The following TNPO3 variants were observed in gnomAD, a reference collection of about 807,000 sequenced individuals.
The protein encoded by TNPO3 is transportin 3.
TNPO3 carries 65 observed loss-of-function variants against 122.8 expected under a neutral mutation model. That is an observed-to-expected ratio of 0.53 (90% CI 0.43 to 0.65). The LOEUF (loss-of-function observed/expected upper bound fraction) is 0.65. Ranked by LOEUF, TNPO3 falls within the 30% of genes least tolerant of loss-of-function variation. The pLI is 0.00. For synonymous variants in TNPO3, 372 were observed against 411.2 expected (o/e 0.90, Z 1.15); for missense variants, 850 against 1,136.7 (o/e 0.75, Z 3.63).
intron 4 of TNPO3, among the ~76,000 whole-genome samples, chr7:129,012,136 G>T (rs1803290196): frequency 6.6e-6 from 1 of 151,138 alleles, no homozygotes; most frequent in African/African-American, 2.4e-5. Context: ...CTCCCGACTA[G>T]CTGGGACTAC....
chr7:129,048,046 C>A (rs531125632), intron 1 of TNPO3, among the ~76,000 whole-genome samples: 1 of 152,156 alleles, frequency 6.6e-6, no homozygotes, highest in East Asian at 1.9e-4. Context: ...CATGGCAAGA[C>A]CCTGACTCTA....
intron 1 of TNPO3, among the ~76,000 whole-genome samples, chr7:129,047,540 T>G (rs1383233669): frequency 1.3e-5 from 2 of 152,206 alleles, no homozygotes; most frequent in Non-Finnish European, 2.9e-5. Flanking sequence ...GAATACAGAT[T>G]CTTCAGAAAA....
At chr7:129,038,167 C>T (rs868843449) in intron 1 of TNPO3, among the ~76,000 whole-genome samples, 2 of 152,176 alleles carry the variant, frequency 1.3e-5, no homozygotes, top group Middle Eastern at 3.4e-3. Flanking sequence ...AAAGCTAGAG[C>T]AGACTTCTTG....
chr7:129,012,810 T>C (rs1413191930), intron 4 of TNPO3, among the ~76,000 whole-genome samples: 2 of 152,328 alleles, frequency 1.3e-5, no homozygotes, highest in South Asian at 2.1e-4. Context: ...GCAAGCCATA[T>C]GGTCTCTGAA....
intron 10 of TNPO3, among the ~76,000 whole-genome samples, chr7:128,991,150 T>C (rs1308422939): frequency 6.6e-6 from 1 of 152,164 alleles, no homozygotes; most frequent in Non-Finnish European, 1.5e-5. Context: ...CCAAAATTGG[T>C]TTAAGAGTAA....
intron 11 of TNPO3, 115 bp downstream of exon 11, chr7:128,989,846 A>G (rs1243903496): frequency 1.7e-6 from 2 of 1,180,012 alleles, no homozygotes; most frequent in Middle Eastern, 2.6e-4. Flanking sequence ...CTCAGTTTCT[A>G]TAAACACTCC....
chr7:129,044,553 A>G (rs1807795641), intron 1 of TNPO3, among the ~76,000 whole-genome samples: 1 of 152,230 alleles, frequency 6.6e-6, no homozygotes. Context: ...GTATGTACAT[A>G]ACAAACACTA....
intron 21 of TNPO3, among the ~76,000 whole-genome samples, chr7:128,961,436 C>T (rs747871198): frequency 1.5e-4 from 23 of 152,252 alleles, no homozygotes; most frequent in Middle Eastern, 3.4e-3. Context: ...ACCAGGTGTC[C>T]GGTAGGCTAT....
chr7:129,049,654 A>G (rs1365599360), intron 1 of TNPO3, among the ~76,000 whole-genome samples: 1 of 152,252 alleles, frequency 6.6e-6, no homozygotes, highest in Non-Finnish European at 1.5e-5. Context: ...AAATCAGAGT[A>G]AAGATCTTTT....
intron 1 of TNPO3, among the ~76,000 whole-genome samples, chr7:129,052,350 C>T (rs1465144336): frequency 6.6e-6 from 1 of 152,212 alleles, no homozygotes; most frequent in East Asian, 1.9e-4. Flanking sequence ...TCAAGGCAGC[C>T]AACTCCATAC....
intron 13 of TNPO3, among the ~76,000 whole-genome samples, chr7:128,982,938 G>A (rs1167049487): frequency 1.3e-5 from 2 of 152,150 alleles, no homozygotes; most frequent in Non-Finnish European, 2.9e-5. Flanking sequence ...AGGTTCAGGC[G>A]TTGATTGCTA....
chr7:129,046,894 C>A (rs1808120162), intron 1 of TNPO3, among the ~76,000 whole-genome samples: 2 of 152,108 alleles, frequency 1.3e-5, no homozygotes, highest in Non-Finnish European at 2.9e-5. Context: ...GAGGGAACCC[C>A]CCATCATGAT....
chr7:128,998,107 C>T (rs1801533551), intron 7 of TNPO3, among the ~76,000 whole-genome samples: 1 of 151,448 alleles, frequency 6.6e-6, no homozygotes, highest in Non-Finnish European at 1.5e-5. Flanking sequence ...CTAGGTCTCC[C>T]AAAGTGCTGG....
At chr7:128,979,230 A>C (rs1209231001) in intron 15 of TNPO3, 107 bp from the exon 16 acceptor site, 2 of 1,374,294 alleles carry the variant, frequency 1.5e-6, no homozygotes, top group Non-Finnish European at 2.0e-6. Context: ...ACTGGGACAA[A>C]ACTTTCTGTA....
chr7:129,054,297 GGA>G (rs1809190677), intron 1 of TNPO3, among the ~76,000 whole-genome samples: 1 of 152,196 alleles, frequency 6.6e-6, no homozygotes, highest in Non-Finnish European at 1.5e-5. Flanking sequence ...AGCGGAAGGT[GGA>G]GAAACACTGG....
Position 129,001,082 on chromosome 7 carries a change from G to A in TNPO3, c.849C>T (p.Ala283=), listed in dbSNP as rs770123607. The part of the protein sequence containing the change: ...VLTLETAYHM[A]VAREDLDKVL... ...ACTTGTCTAAATCTTCACGTGCCAC[G>A]GCCATATGATAGGCAGTCTCCAATG... Residue 283 remains alanine (A), a synonymous_variant, in exon 6 of 23, where the codon GCC becomes GCT. Transcript: ENST00000265388. 32 of 1,614,094 alleles carry A rather than the reference G, an allele frequency of 2.0e-5. No individual in the cohort carries two copies. The highest frequency in any genetic ancestry group is 6.7e-5 in the African/African-American group (5 of 75,030).
chr7:128,961,448 CCAT>C (rs1797448028), intron 21 of TNPO3, among the ~76,000 whole-genome samples: 1 of 152,146 alleles, frequency 6.6e-6, no homozygotes, highest in Non-Finnish European at 1.5e-5. Flanking sequence ...GTAGGCTATA[CCAT>C]CTAGGTTTGT....
At chr7:129,040,622 A>G (rs979353170) in intron 1 of TNPO3, among the ~76,000 whole-genome samples, 1 of 152,198 alleles carries the variant, frequency 6.6e-6, no homozygotes, top group African/African-American at 2.4e-5. Flanking sequence ...ATTTTTCTGC[A>G]AGTTGGAAAT....
chr7:129,052,030 C>T (rs1808839781), intron 1 of TNPO3, among the ~76,000 whole-genome samples: 1 of 152,216 alleles, frequency 6.6e-6, no homozygotes, highest in Non-Finnish European at 1.5e-5. Context: ...GTAAAGGAAT[C>T]AGAAGGCCAA....
Sources: gnomAD v4.1 joint callset for allele counts (sites outside exome capture counted in the v4.1 genomes callset) on GRCh38, gnomAD v4.1.1 for gene constraint, MANE v1.5 for transcripts, NCBI Gene and HGNC (gene_info 2026-07-23, HGNC 2026-07-21) for gene names.